Variants in GRIN2B observed in about 807,000 individuals in gnomAD.
GRIN2B encodes the protein glutamate ionotropic receptor NMDA type subunit 2B.
Under a neutral mutation model 114.5 loss-of-function variants are expected in GRIN2B, and 5 were observed. That is an observed-to-expected ratio of 0.04 (90% confidence interval 0.02 to 0.09). The LOEUF (loss-of-function observed/expected upper bound fraction) is 0.09, where lower values mean the gene tolerates loss of function less well. GRIN2B is among the 10% of genes least tolerant of loss of function. GRIN2B has a pLI of 1.00. For missense variants in GRIN2B, 1,108 were observed against 1,943.5 expected (o/e 0.57, Z 8.08); for synonymous variants, 787 against 745.1 (o/e 1.06, Z -0.92).
At chr12:13,815,556 A>C (rs1471585737) in intron 3 of GRIN2B, among the ~76,000 whole-genome samples, 1 of 152,152 alleles carries the variant, frequency 6.6e-6, no homozygotes, top group Non-Finnish European at 1.5e-5. Context: ...TGCTAGAAAA[A>C]CTTGAAGAGA....
At chr12:13,635,178 A>ATTC (rs1423759056) in intron 5 of GRIN2B, among the ~76,000 whole-genome samples, 10 of 152,178 alleles carry the variant, frequency 6.6e-5, no homozygotes, top group Non-Finnish European at 1.3e-4. Flanking sequence ...CTGGGGTCTG[A>ATTC]TGGAATATTA....
At position 13,698,432 on chromosome 12, in the gene GRIN2B, G is replaced by A. The variant is rs190538023; in HGVS notation, c.1011-22573C>T. Among the ~76,000 whole-genome samples, 16 of 152,232 alleles carry A rather than the reference G, an allele frequency of 1.1e-4. No individual in the cohort carries two copies. The East Asian group carries it at 1.7e-3, about 17-fold the overall frequency. On this transcript the variant is annotated intron_variant, in intron 4 of 13. Transcript: ENST00000609686. ...ATAGTATAATTTCAATTTTGTATACGATAAAATGACTTGTGTCTGAATAAA... is the reference window on the plus strand; with the variant it reads ...ATAGTATAATTTCAATTTTGTATACAATAAAATGACTTGTGTCTGAATAAA...
Position 13,843,327 on chromosome 12 carries a change from G to C in GRIN2B, c.411+22471C>G, listed in dbSNP as rs181115353. Reference sequence around the variant, plus strand: ...TGATTACTATGAGTGTGATCTTCCAGACAACTGTGTCTGCATCAAGTACCC... The same window carrying C: ...TGATTACTATGAGTGTGATCTTCCACACAACTGTGTCTGCATCAAGTACCC... On this transcript the variant is annotated intron_variant, in intron 3 of 13. Transcript: ENST00000609686. 1.4e-4 allele frequency among the ~76,000 whole-genome samples: 22 copies of C among 151,930 alleles called. No homozygotes were observed. The East Asian group carries it at 3.9e-3, about 27-fold the overall frequency.
At chr12:13,871,196 T>C (rs1340158667) in intron 2 of GRIN2B, among the ~76,000 whole-genome samples, 1 of 152,068 alleles carries the variant, frequency 6.6e-6, no homozygotes, top group Non-Finnish European at 1.5e-5. Context: ...TTCAGATACC[T>C]AGAAATGTAT....
rs866929842 is a variant in GRIN2B at position 13,562,989 on chromosome 12, C to T, written c.4249G>A (p.Ala1417Thr). ...RQPTVAGASK[A>T]RPDFRALVTN... Reference sequence around the variant, plus strand: ...ACAAGGGCCCGGAAGTCCGGCCTGGCTTTCGACGCCCCCGCCACCGTGGGC... The same window carrying T: ...ACAAGGGCCCGGAAGTCCGGCCTGGTTTTCGACGCCCCCGCCACCGTGGGC... Residue 1417 changes from alanine (A) to threonine (T), a missense_variant, in exon 14 of 14, where the codon GCC becomes ACC. Physicochemically the swap from Ala to Thr is moderately conservative, Grantham distance 58. Coordinates refer to ENST00000609686, the MANE Select transcript of GRIN2B (RefSeq NM_000834.5). 1.2e-6 allele frequency: 2 copies of T among 1,613,514 alleles called. No homozygotes were observed. Among genetic ancestry groups the T allele is most frequent in the Non-Finnish European group, 8.5e-7 (1 of 1,179,584 alleles).
At chr12:13,815,212 T>C (rs1351037224) in intron 3 of GRIN2B, among the ~76,000 whole-genome samples, 3 of 152,144 alleles carry the variant, frequency 2.0e-5, no homozygotes, top group South Asian at 4.1e-4. Flanking sequence ...GTTGAATAAA[T>C]GAGTGACAAA....
At chr12:13,738,751 G>A (rs1234574999) in intron 4 of GRIN2B, among the ~76,000 whole-genome samples, 1 of 152,090 alleles carries the variant, frequency 6.6e-6, no homozygotes, top group Non-Finnish European at 1.5e-5. Context: ...AATGACAGGA[G>A]ACTGGAGAAC....
chr12:13,816,118 G>A (rs1250175739), intron 3 of GRIN2B, among the ~76,000 whole-genome samples: 1 of 152,168 alleles, frequency 6.6e-6, no homozygotes, highest in Admixed American at 6.5e-5. Context: ...GTGAAAAACA[G>A]CACACGTGGA....
At chr12:13,830,826 C>T (rs1229550056) in intron 3 of GRIN2B, among the ~76,000 whole-genome samples, 2 of 152,206 alleles carry the variant, frequency 1.3e-5, no homozygotes, top group East Asian at 3.8e-4. Flanking sequence ...CAGGAAAAAT[C>T]TCAATGCATA....
At chr12:13,745,520 G>C (rs981193315) in intron 4 of GRIN2B, among the ~76,000 whole-genome samples, 1 of 152,198 alleles carries the variant, frequency 6.6e-6, no homozygotes, top group Non-Finnish European at 1.5e-5. Context: ...GAGGTAGCAT[G>C]CTCTAGCAAA....
intron 3 of GRIN2B, among the ~76,000 whole-genome samples, chr12:13,819,515 T>A (rs1030806680): frequency 2.0e-5 from 3 of 152,210 alleles, no homozygotes; most frequent in Non-Finnish European, 2.9e-5. Flanking sequence ...AGGAACAGGA[T>A]GTGTTTCCTA....
Position 13,563,849 on chromosome 12 carries a change from C to A in GRIN2B, c.3389G>T (p.Arg1130Leu), listed in dbSNP as rs148625092. ...KRYFRDKEGLRDFYLDQFRTK... is the reference protein window; with the variant it reads ...KRYFRDKEGLLDFYLDQFRTK... ...TCGGAACTGGTCCAGGTAGAAGTCC[C>A]GTAGCCCTTCCTTGTCCCTGAAGTA... The change falls in exon 14 of 14, where the codon CGG becomes CTG. Residue 1130 changes from arginine to leucine, a missense_variant. Transcript: ENST00000609686. 6.6e-5 allele frequency: 107 copies of A among 1,614,082 alleles called. No individual in the cohort carries two copies. Among genetic ancestry groups the A allele is most frequent in the Non-Finnish European group, 7.2e-5 (85 of 1,180,022 alleles).
At chr12:13,819,819 T>A (rs1008788733) in intron 3 of GRIN2B, among the ~76,000 whole-genome samples, 1 of 152,180 alleles carries the variant, frequency 6.6e-6, no homozygotes, top group African/African-American at 2.4e-5. Context: ...AGAGTGGCAA[T>A]TAAGAGACTG....
At chr12:13,607,557 G>GA (rs1166653123) in intron 10 of GRIN2B, among the ~76,000 whole-genome samples, 1 of 140,726 alleles carries the variant, frequency 7.1e-6, no homozygotes, top group Non-Finnish European at 1.5e-5. Flanking sequence ...GATGTAGAAG[G>GA]AAAAATGAGA....
At chr12:13,656,409 C>T (rs917847311) in intron 5 of GRIN2B, among the ~76,000 whole-genome samples, 2 of 152,144 alleles carry the variant, frequency 1.3e-5, no homozygotes, top group African/African-American at 4.8e-5. Context: ...CCATGACACA[C>T]CAATGTGCAG....
intron 4 of GRIN2B, among the ~76,000 whole-genome samples, chr12:13,681,043 A>G (rs1358492717): frequency 6.6e-6 from 1 of 152,046 alleles, no homozygotes; most frequent in African/African-American, 2.4e-5. Context: ...TGCCACTCCA[A>G]GCTCATCTAC....
chr12:13,973,179 G>A (rs1011367450), intron 2 of GRIN2B, among the ~76,000 whole-genome samples: 3 of 152,148 alleles, frequency 2.0e-5, no homozygotes, highest in African/African-American at 4.8e-5. Flanking sequence ...TTCAGCCATT[G>A]TTTTTAAGTC....
chr12:13,641,636 T>A (rs1408408028), intron 5 of GRIN2B, among the ~76,000 whole-genome samples: 1 of 152,160 alleles, frequency 6.6e-6, no homozygotes, highest in Non-Finnish European at 1.5e-5. Context: ...TTAATGAGTA[T>A]GCTGTTTCGG....
intron 4 of GRIN2B, among the ~76,000 whole-genome samples, chr12:13,747,876 TA>T (rs1358272665): frequency 2.6e-5 from 4 of 152,212 alleles, no homozygotes; most frequent in African/African-American, 4.8e-5. Context: ...ATTCCTCATT[TA>T]TTTTTTTAAC....
Sources: allele counts gnomAD v4.1 joint callset (sites outside exome capture counted in the v4.1 genomes callset), GRCh38; gene constraint gnomAD v4.1.1; transcripts MANE v1.5; gene names NCBI Gene and HGNC (gene_info 2026-07-23, HGNC 2026-07-21).